The following GRIA3 variants were observed in gnomAD, a reference collection of about 807,000 sequenced individuals.
GRIA3 encodes glutamate receptor 3.
GRIA3 carries 3 observed loss-of-function variants against 63.0 expected under a neutral mutation model. The observed-to-expected ratio is 0.05, with a 90% CI of 0.02 to 0.12. The LOEUF (loss-of-function observed/expected upper bound fraction) is 0.12. GRIA3 is among the 10% of genes least tolerant of loss of function. GRIA3 has a pLI of 1.00. For synonymous variants in GRIA3, 274 were observed against 257.9 expected, an observed-to-expected ratio of 1.06 and a Z score of -0.60; for missense variants, 347 against 700.9, an observed-to-expected ratio of 0.50 and a Z score of 5.70.
Position 123,409,601 on chromosome X carries a change from A to G in GRIA3, c.1500+4687A>G, listed in dbSNP as rs2045494679. ...ATGTCTGTAACACCACTACATGGTA[A>G]CAGTCCCAGATCAAATGGCTTACAG... On this transcript the variant is annotated intron_variant, in intron 10 of 15. Transcript: ENST00000620443. 3.6e-5 allele frequency among the ~76,000 whole-genome samples: 4 copies of G among 112,123 alleles called. No individual in the cohort carries two copies. The South Asian group carries it at 1.5e-3, about 42-fold the overall frequency.
intron 2 of GRIA3, among the ~76,000 whole-genome samples, chrX:123,217,873 A>T (rs2147263876): frequency 8.9e-6 from 1 of 112,378 alleles, no homozygotes; most frequent in East Asian, 2.8e-4. Context: ...AAGCCTAAAA[A>T]CAAATTAGGT....
chrX:123,200,204 C>A (rs1207094726), intron 2 of GRIA3, among the ~76,000 whole-genome samples: 1 of 109,845 alleles, frequency 9.1e-6, no homozygotes, highest in African/African-American at 3.3e-5. Context: ...GTCATATTAC[C>A]CCTACCTGAT....
At chrX:123,363,856 C>T (rs905850006) in intron 5 of GRIA3, among the ~76,000 whole-genome samples, 1 of 112,255 alleles carries the variant, frequency 8.9e-6, no homozygotes, top group African/African-American at 3.2e-5. Flanking sequence ...ACCATTGTTA[C>T]ACAGAAGCAG....
At chrX:123,293,833 G>A (rs772963662) in intron 3 of GRIA3, among the ~76,000 whole-genome samples, 6 of 110,695 alleles carry the variant, frequency 5.4e-5, no homozygotes, top group Non-Finnish European at 7.6e-5. Flanking sequence ...ATAATCCCAT[G>A]AAGTAGATTT....
At chrX:123,266,550 C>G (rs1237858793) in intron 3 of GRIA3, among the ~76,000 whole-genome samples, 1 of 111,093 alleles carries the variant, frequency 9.0e-6, no homozygotes, top group Non-Finnish European at 1.9e-5. Flanking sequence ...CACCATTCTC[C>G]TAACTGATCT....
At chrX:123,252,669 T>C (rs1406884394) in intron 2 of GRIA3, among the ~76,000 whole-genome samples, 1 of 111,270 alleles carries the variant, frequency 9.0e-6, no homozygotes, top group East Asian at 2.8e-4. Flanking sequence ...ACTTTCCCAA[T>C]TACACATGGG....
intron 6 of GRIA3, among the ~76,000 whole-genome samples, chrX:123,397,325 G>A (rs1463068589): frequency 8.9e-6 from 1 of 111,835 alleles, no homozygotes; most frequent in Non-Finnish European, 1.9e-5. Context: ...TTTTGATTAG[G>A]AAATAAAATT....
intron 2 of GRIA3, among the ~76,000 whole-genome samples, chrX:123,223,174 A>G (rs2044227820): frequency 1.8e-5 from 2 of 112,180 alleles, no homozygotes; most frequent in Non-Finnish European, 3.8e-5. Context: ...ATTTCACTGG[A>G]CTCTTTCATG....
At chrX:123,333,404 A>T (rs1055391065) in intron 4 of GRIA3, among the ~76,000 whole-genome samples, 2 of 111,750 alleles carry the variant, frequency 1.8e-5, no homozygotes, top group African/African-American at 6.5e-5. Flanking sequence ...GAGCCAGCCA[A>T]CTGTTGTGAG....
At chrX:123,382,853 A>G (rs771357707) in intron 5 of GRIA3, among the ~76,000 whole-genome samples, 2 of 112,226 alleles carry the variant, frequency 1.8e-5, no homozygotes, top group Non-Finnish European at 3.8e-5. Context: ...TATGAATATT[A>G]GGTAAACAGG....
chrX:123,184,345 G>C lies in GRIA3; in HGVS notation c.-191G>C. The C allele has an allele frequency of 2.1e-6, 1 of 468,905 alleles. No homozygotes were observed. Among genetic ancestry groups the C allele is most frequent in the South Asian group, 3.1e-5 (1 of 32,283 alleles). The allele number at this position is 468,905 out of a possible 1,213,427, so 38.6% of individuals were successfully genotyped here. A position where few individuals can be genotyped will look rare whatever the true frequency, so the allele number is the denominator to read the frequency against. ...GAGAGAGAGTAAGAGGGAGAGAGAA[G>C]AAGAGGAAGAAGAGGAGGCGGCGGC... On this transcript the variant is annotated 5_prime_UTR_variant, in exon 1 of 16. Coordinates refer to ENST00000620443, the MANE Select transcript of GRIA3 (RefSeq NM_007325.5).
chrX:123,465,771 G>A, intron 13 of GRIA3: 1 of 1,203,519 alleles, frequency 8.3e-7, no homozygotes. Context: ...GTGCGGCAGC[G>A]GGGGCGGTGA....
chrX:123,220,519 A>T (rs1273308608), intron 2 of GRIA3, among the ~76,000 whole-genome samples: 1 of 111,589 alleles, frequency 9.0e-6, no homozygotes, highest in Non-Finnish European at 1.9e-5. Flanking sequence ...GTGTATCTTA[A>T]GAAATAACTC....
intron 15 of GRIA3, among the ~76,000 whole-genome samples, chrX:123,484,867 A>G (rs1383995989): frequency 8.9e-6 from 1 of 112,630 alleles, no homozygotes; most frequent in Non-Finnish European, 1.9e-5. Context: ...CAAATAAATC[A>G]TTTGTCTTGG....
At chrX:123,396,785 T>A (rs1047515674) in intron 6 of GRIA3, among the ~76,000 whole-genome samples, 2 of 112,355 alleles carry the variant, frequency 1.8e-5, no homozygotes, top group African/African-American at 6.5e-5. Flanking sequence ...AAGCATAAAG[T>A]CATGGTTCAA....
intron 3 of GRIA3, among the ~76,000 whole-genome samples, chrX:123,325,089 C>G (rs993136459): frequency 4.5e-5 from 5 of 111,950 alleles, no homozygotes; most frequent in African/African-American, 1.6e-4. Context: ...TTGGCAATAT[C>G]CCAATAAAAT....
intron 11 of GRIA3, among the ~76,000 whole-genome samples, chrX:123,418,521 C>A (rs1242395958): frequency 8.9e-6 from 1 of 112,045 alleles, no homozygotes; most frequent in East Asian, 2.8e-4. Flanking sequence ...AAAGGACTTG[C>A]ATCCAGAATA....
At chrX:123,343,716 G>T (rs1191276517) in intron 4 of GRIA3, among the ~76,000 whole-genome samples, 1 of 108,759 alleles carries the variant, frequency 9.2e-6, no homozygotes, top group Non-Finnish European at 1.9e-5. Context: ...GCTCACTGTA[G>T]CCTTGACCTC....
At chrX:123,439,493 T>A (rs962653700) in intron 12 of GRIA3, among the ~76,000 whole-genome samples, 1 of 112,022 alleles carries the variant, frequency 8.9e-6, no homozygotes, top group South Asian at 3.7e-4. Context: ...CTTATGTGTT[T>A]ATAGCCTGAT....
Sources: gnomAD v4.1 joint callset for allele counts (sites outside exome capture counted in the v4.1 genomes callset) on GRCh38, gnomAD v4.1.1 for gene constraint, MANE v1.5 for transcripts, NCBI Gene and HGNC (gene_info 2026-07-23, HGNC 2026-07-21) for gene names.